The following ACMSD variants were observed in gnomAD, a reference collection of about 807,000 sequenced individuals.
ACMSD encodes 2-amino-3-carboxymuconate-6-semialdehyde decarboxylase.
ACMSD carries 37 observed loss-of-function variants against 45.9 expected under a neutral mutation model. The observed-to-expected ratio is 0.81, with a 90% confidence interval of 0.62 to 1.06. ACMSD has a LOEUF of 1.06. ACMSD is among the 50% of genes least tolerant of loss of function. The probability of loss-of-function intolerance (pLI) is 0.00; values close to 1 mark genes in which losing one functional copy is unlikely to be tolerated. For synonymous variants in ACMSD, 138 were observed against 148.8 expected, an observed-to-expected ratio of 0.93 and a Z score of 0.53; for missense variants, 434 against 420.9, an observed-to-expected ratio of 1.03 and a Z score of -0.27.
chr2:134,885,245 TA>T (rs1286580531), intron 8 of ACMSD, among the ~76,000 whole-genome samples: 5 of 111,032 alleles, frequency 4.5e-5, no homozygotes, highest in Non-Finnish European at 8.4e-5. Flanking sequence ...TGTAAATATA[TA>T]TTTATATATA....
intron 8 of ACMSD, among the ~76,000 whole-genome samples, chr2:134,883,370 G>A (rs550881846): frequency 6.6e-6 from 1 of 152,084 alleles, no homozygotes; most frequent in African/African-American, 2.4e-5. Context: ...AGGAGCTAAG[G>A]TTAATGGAAA....
intron 3 of ACMSD, among the ~76,000 whole-genome samples, chr2:134,861,040 T>C (rs537982043): frequency 6.6e-6 from 1 of 152,028 alleles, no homozygotes; most frequent in South Asian, 2.1e-4. Context: ...AAAAAAATTT[T>C]TTAATTAAAA....
At chr2:134,845,508 G>GTTCTCTCTCT (rs1339823151) in intron 2 of ACMSD, among the ~76,000 whole-genome samples, 8 of 80,996 alleles carry the variant, frequency 9.9e-5, no homozygotes, top group South Asian at 4.6e-4. Context: ...CACATTAAAA[G>GTTCTCTCTCT]GTCTCTCTCT....
At chr2:134,888,746 G>A (rs938158097) in intron 8 of ACMSD, among the ~76,000 whole-genome samples, 2 of 152,116 alleles carry the variant, frequency 1.3e-5, no homozygotes, top group African/African-American at 4.8e-5. Flanking sequence ...ATCCCAGAGA[G>A]TGTATACTGT....
chr2:134,853,167 TAAA>T (rs201350282), intron 2 of ACMSD, among the ~76,000 whole-genome samples: 1 of 106,520 alleles, frequency 9.4e-6, no homozygotes, highest in Non-Finnish European at 1.9e-5. Flanking sequence ...CATCTCAATC[TAAA>T]AAAAAAAAAA....
intron 1 of ACMSD, among the ~76,000 whole-genome samples, chr2:134,844,041 T>G (rs1453938716): frequency 6.6e-6 from 1 of 152,200 alleles, no homozygotes; most frequent in African/African-American, 2.4e-5. Flanking sequence ...ACTTTTATTT[T>G]CTCTGCCCTA....
Position 134,846,820 on chromosome 2 carries a change from G to A in ACMSD, c.102+1543G>A, listed in dbSNP as rs58396159. On this transcript the variant is annotated intron_variant, in intron 2 of 9. Transcript: ENST00000356140. ...GATAGACATAGTCCCTGCTCTGATA[G>A]TGCTCAGATTCCAGGGGTCACAAGT... Among the ~76,000 whole-genome samples, 1,064 of 152,318 alleles carry A rather than the reference G, an allele frequency of 7.0e-3. 9 individuals are homozygous for A. Among genetic ancestry groups the A allele is most frequent in the African/African-American group, 0.024 (1,010 of 41,578 alleles).
At chr2:134,857,471 G>C (rs1687636199) in intron 2 of ACMSD, among the ~76,000 whole-genome samples, 1 of 152,062 alleles carries the variant, frequency 6.6e-6, no homozygotes, top group Admixed American at 6.6e-5. Flanking sequence ...TAATGGGATT[G>C]CCTGATATCT....
chr2:134,870,846 A>G (rs1688397574), intron 6 of ACMSD, 119 bp from the exon 7 acceptor site: 2 of 773,334 alleles, frequency 2.6e-6, no homozygotes, highest in Admixed American at 2.5e-5. Context: ...CAGCCAAACT[A>G]TGCCAGGGTA....
chr2:134,868,474 A>C (rs1688244248), intron 6 of ACMSD, among the ~76,000 whole-genome samples: 2 of 129,160 alleles, frequency 1.5e-5, no homozygotes, highest in African/African-American at 5.9e-5. Context: ...TTTTTTTGAG[A>C]CAAGGTCTCA....
In ACMSD at chr2:134,867,659, C is replaced by T. The variant is rs557257551; in HGVS notation, c.567C>T (p.Leu189=). 4 of 1,613,252 alleles carry T rather than the reference C, an allele frequency of 2.5e-6. No homozygotes were observed. The highest frequency in any genetic ancestry group is 3.4e-6 in the Non-Finnish European group (4 of 1,179,582). Residue 189 remains leucine (L), a synonymous_variant, in exon 6 of 10, where the codon CTC becomes CTT. Transcript: ENST00000356140. ...ATGGACGAATGGCCAAATACTGGCTCCCTTGGCTTGTAGGTTTGTGTCTGT... is the reference window on the plus strand; with the variant it reads ...ATGGACGAATGGCCAAATACTGGCTTCCTTGGCTTGTAGGTTTGTGTCTGT... ...QMDGRMAKYW[L]PWLVGMPAET...
chr2:134,891,035 A>T (rs1367418707), intron 8 of ACMSD, among the ~76,000 whole-genome samples: 1 of 151,974 alleles, frequency 6.6e-6, no homozygotes, highest in African/African-American at 2.4e-5. Flanking sequence ...AGATATTAAT[A>T]CCCTGTGTCA....
At chr2:134,879,835 T>C (rs1385815597) in intron 8 of ACMSD, among the ~76,000 whole-genome samples, 2 of 152,212 alleles carry the variant, frequency 1.3e-5, no homozygotes, top group Admixed American at 6.5e-5. Context: ...CTTCTGATGC[T>C]CTAATTGGGA....
At chr2:134,875,013 G>C (rs746524269) in intron 8 of ACMSD, among the ~76,000 whole-genome samples, 1 of 152,094 alleles carries the variant, frequency 6.6e-6, no homozygotes, top group Non-Finnish European at 1.5e-5. Context: ...TAACAGTTGG[G>C]AAAGTGAGTC....
At chr2:134,867,523 G>A in intron 5 of ACMSD, 56 bp from the exon 6 acceptor site, 1 of 1,372,184 alleles carries the variant, frequency 7.3e-7, no homozygotes, top group Non-Finnish European at 1.0e-6. Flanking sequence ...ACAGTACCTG[G>A]TATCTGCTCA....
Position 134,872,490 on chromosome 2 carries a change from T to A in ACMSD, c.698T>A (p.Val233Glu), listed in dbSNP as rs1387597638. 2 of 1,614,022 alleles carry A rather than the reference T, an allele frequency of 1.2e-6. No individual in the cohort carries two copies. The highest frequency in any genetic ancestry group is 1.7e-6 in the Non-Finnish European group (2 of 1,180,036). Residue 233 changes from valine to glutamate, a missense_variant, in exon 8 of 10, where the codon GTG (valine) becomes GAG (glutamate). Val to Glu is a moderately radical substitution (Grantham distance 121). Coordinates refer to ENST00000356140, the MANE Select transcript of ACMSD (RefSeq NM_138326.3). ...AHGGGAFPFT[V>E]GRISHGFSMR... ...GCAGGTGGTGCCTTCCCCTTCACAG[T>A]GGGAAGAATCTCCCATGGATTCAGC...
At chr2:134,871,366 C>T (rs1301697214) in intron 7 of ACMSD, among the ~76,000 whole-genome samples, 1 of 152,146 alleles carries the variant, frequency 6.6e-6, no homozygotes, top group Non-Finnish European at 1.5e-5. Flanking sequence ...GTCCTTTCTC[C>T]AAGCACAGTC....
In ACMSD at chr2:134,840,182, AAAAAAAAAAAAC is replaced by A. The variant is rs1302731170; in HGVS notation, c.57+1444_57+1455del. Reference sequence around the variant, plus strand: ...CTATACCTAGCAAAAAAAAAAAAAAAAAAAAAAAAAACCACTAATTCCTCTGTTACAGCTTTT... The same window carrying A: ...CTATACCTAGCAAAAAAAAAAAAAAACACTAATTCCTCTGTTACAGCTTTT... On this transcript the variant is annotated intron_variant, in intron 1 of 9. Coordinates refer to ENST00000356140, the MANE Select transcript of ACMSD (RefSeq NM_138326.3). Among the ~76,000 whole-genome samples the A allele has an allele frequency of 2.6e-4, 37 of 143,744 alleles. 5 individuals carry two copies. Among genetic ancestry groups the A allele is most frequent in the Admixed American group, 1.6e-3 (22 of 14,068 alleles). 94.3% of individuals were successfully genotyped at this position (143,744 alleles called of 152,430 possible).
At chr2:134,891,300 T>C (rs79001490) in intron 8 of ACMSD, among the ~76,000 whole-genome samples, 2,886 of 152,208 alleles carry the variant, frequency 0.019, 109 homozygotes, top group East Asian at 0.14. Flanking sequence ...CCATCTTCAG[T>C]TGATTTTTAT....
Sources: allele counts gnomAD v4.1 joint callset (sites outside exome capture counted in the v4.1 genomes callset), GRCh38; gene constraint gnomAD v4.1.1; transcripts MANE v1.5; gene names NCBI Gene and HGNC (gene_info 2026-07-23, HGNC 2026-07-21).